The following SRR variants were observed in gnomAD, a reference collection of about 807,000 sequenced individuals.
SRR encodes the protein serine racemase, also known as D-serine ammonia-lyase.
SRR carries 19 observed loss-of-function variants against 32.7 expected under a neutral mutation model. The observed-to-expected ratio is 0.58, with a 90% CI of 0.40 to 0.85. The LOEUF is 0.85. Ranked by LOEUF, SRR falls within the 40% of genes least tolerant of loss-of-function variation. The pLI is 0.00. For missense variants in SRR, 373 were observed against 404.7 expected, an observed-to-expected ratio of 0.92 and a Z score of 0.67; for synonymous variants, 142 against 140.9, an observed-to-expected ratio of 1.01 and a Z score of -0.06.
rs1286419047 is a variant in SRR at position 2,317,208 on chromosome 17, A to G, written c.169-662A>G. ...ATAGAGGAAGACTCCATCTCGGGGG[A>G]AAAAAAAAAAAAAAAAAAAAAGGCC... is the stretch of plus-strand genomic sequence containing the variant. On this transcript the variant is annotated intron_variant, in intron 2 of 7. Transcript: ENST00000344595. Among the ~76,000 whole-genome samples the G allele has an allele frequency of 2.9e-4, 16 of 55,388 alleles. No individual in the cohort carries two copies. The East Asian group carries it at 0.01, about 35-fold the overall frequency. The allele number at this position is 55,388 out of a possible 152,430, so 36.3% of individuals were successfully genotyped here.
At chr17:2,323,403 A>G in intron 7 of SRR, 58 bp downstream of exon 7, 1 of 1,599,702 alleles carries the variant, frequency 6.3e-7, no homozygotes, top group Non-Finnish European at 8.6e-7. Context: ...TAGGCAGAAG[A>G]AACTTCCCTT....
At chr17:2,315,865 TTTTCC>T (rs2075469008) in intron 2 of SRR, 137 bp downstream of exon 2, 2 of 913,980 alleles carry the variant, frequency 2.2e-6, no homozygotes, top group South Asian at 1.9e-5. Flanking sequence ...GTTACAGAAA[TTTTCC>T]TTTCAAGTCC....
At chr17:2,306,231 G>C (rs2075389083) in intron 1 of SRR, among the ~76,000 whole-genome samples, 1 of 151,480 alleles carries the variant, frequency 6.6e-6, no homozygotes, top group African/African-American at 2.4e-5. Flanking sequence ...CAGGAGAACT[G>C]CTTGAACCTG....
intron 3 of SRR, 56 bp downstream of exon 3, chr17:2,318,052 C>T: frequency 1.3e-6 from 2 of 1,498,746 alleles, no homozygotes; most frequent in Non-Finnish European, 1.8e-6. Context: ...GAAAAGTGCC[C>T]TTAATTTCAG....
chr17:2,317,667 C>T (rs1056576986), intron 2 of SRR, among the ~76,000 whole-genome samples: 19 of 151,936 alleles, frequency 1.3e-4, no homozygotes, highest in African/African-American at 4.1e-4. Flanking sequence ...GAGATCGTGG[C>T]ACTGCACTCC....
intron 1 of SRR, 198 bp from the exon 2 acceptor site, chr17:2,315,359 C>T: frequency 2.1e-6 from 1 of 468,064 alleles, no homozygotes; most frequent in South Asian, 4.4e-5. Flanking sequence ...AGTTACTTCC[C>T]TCAAAGCTTC....
chr17:2,310,699 C>T (rs886111308), intron 1 of SRR, among the ~76,000 whole-genome samples: 2 of 152,056 alleles, frequency 1.3e-5, no homozygotes, highest in African/African-American at 4.8e-5. Flanking sequence ...CTGCCTCAGC[C>T]TCCCTAGTAG....
At chr17:2,308,422 C>CA (rs1444203900) in intron 1 of SRR, among the ~76,000 whole-genome samples, 1 of 152,190 alleles carries the variant, frequency 6.6e-6, no homozygotes, top group Non-Finnish European at 1.5e-5. Context: ...AAAAAAGGGA[C>CA]ATCCTCTTGG....
chr17:2,311,552 G>A (rs1458847936), intron 1 of SRR, among the ~76,000 whole-genome samples: 1 of 152,122 alleles, frequency 6.6e-6, no homozygotes, highest in African/African-American at 2.4e-5. Flanking sequence ...GAGGTGAGAG[G>A]ATTGCCTGAG....
intron 6 of SRR, 81 bp downstream of exon 6, chr17:2,321,697 C>T: frequency 1.6e-6 from 2 of 1,262,798 alleles, no homozygotes; most frequent in Non-Finnish European, 2.3e-6. Context: ...ACGTGCTCAA[C>T]ATTCTGCACA....
At position 2,325,169 on chromosome 17, in the gene SRR, G is replaced by T; in HGVS notation, c.*1296G>T. On this transcript the variant is annotated 3_prime_UTR_variant, in exon 8 of 8. Coordinates refer to ENST00000344595, the MANE Select transcript of SRR (RefSeq NM_021947.3). Reference sequence around the variant, plus strand: ...CATTGTTCTATTAACAATGTTAAATGAAGACTTACTGTATTTTGAAAACCA... The same window carrying T: ...CATTGTTCTATTAACAATGTTAAATTAAGACTTACTGTATTTTGAAAACCA... 1.4e-6 allele frequency: 1 copy of T among 698,242 alleles called. No individual in the cohort carries two copies. Among genetic ancestry groups the T allele is most frequent in the Non-Finnish European group, 2.4e-6 (1 of 423,704 alleles). 43.3% of individuals were successfully genotyped at this position (698,242 alleles called of 1,614,324 possible).
intron 1 of SRR, chr17:2,307,617 C>T (rs910129803): frequency 1.7e-5 from 16 of 956,654 alleles, no homozygotes; most frequent in Non-Finnish European, 2.5e-5. Context: ...AAGCTCTGGC[C>T]CCTATGGTGG....
chr17:2,325,062 T>C lies in SRR; in HGVS notation c.*1189T>C. 1 of 601,896 alleles carries C rather than the reference T, an allele frequency of 1.7e-6. No individual in the cohort carries two copies. 37.3% of individuals were successfully genotyped at this position (601,896 alleles called of 1,614,324 possible). On this transcript the variant is annotated 3_prime_UTR_variant, in exon 8 of 8. Coordinates refer to ENST00000344595, the MANE Select transcript of SRR (RefSeq NM_021947.3). ...ACAAAACCATACTTTTTCTCATCAG[T>C]TGTTACAAGGAAAGGATGTTGAACA... is the stretch of plus-strand genomic sequence containing the variant.
At chr17:2,309,801 C>T (rs2075420657) in intron 1 of SRR, 1 of 152,170 alleles carries the variant, frequency 6.6e-6, no homozygotes, top group Admixed American at 6.5e-5. Flanking sequence ...GGCCACTGGT[C>T]CTGGGCCAAG....
At chr17:2,318,799 C>G (rs200709413) in intron 3 of SRR, 27 bp from the exon 4 acceptor site, 1 of 1,568,000 alleles carries the variant, frequency 6.4e-7, no homozygotes, top group Non-Finnish European at 8.8e-7. Context: ...ATTCTCCTGA[C>G]TTTTTCCTCT....
At chr17:2,318,973 G>T in intron 4 of SRR, 44 bp downstream of exon 4, 1 of 1,350,534 alleles carries the variant, frequency 7.4e-7, no homozygotes, top group South Asian at 1.2e-5. Context: ...GCTTTCATTT[G>T]ACCAATGGCT....
upstream of SRR, chr17:2,303,599 A>AGGCCC (rs1239904362): frequency 7.2e-7 from 1 of 1,397,240 alleles, no homozygotes; most frequent in Non-Finnish European, 9.3e-7. Context: ...CGGGGCGGGC[A>AGGCCC]GGCCCGGCCC....
chr17:2,315,718 G>A lies in SRR; in HGVS notation c.158G>A (p.Gly53Glu), dbSNP rs1430978680. Residue 53 changes from glycine (G) to glutamate (E), a missense_variant, in exon 2 of 8, where the codon GGA (glycine) becomes GAA (glutamate). Physicochemically the swap from Gly to Glu is moderately conservative, Grantham distance 98 (BLOSUM62 -2). Transcript: ENST00000344595. ...FFKCELFQKT[G>E]SFKIRGALNA... The stretch of plus-strand genomic sequence containing the variant: ...AAATGTGAACTCTTCCAGAAAACAG[G>A]ATCTTTTAAGGTAACAATCCTTTTT... The A allele has an allele frequency of 6.2e-7, 1 of 1,613,538 alleles. No individual in the cohort carries two copies. Among genetic ancestry groups the A allele is most frequent in the Admixed American group, 1.7e-5 (1 of 59,956 alleles).
intron 4 of SRR, among the ~76,000 whole-genome samples, chr17:2,319,940 T>C (rs1233951603): frequency 1.3e-5 from 2 of 150,530 alleles, no homozygotes; most frequent in Admixed American, 6.7e-5. Context: ...TGCCTCAGCC[T>C]CCCGAGTAGC....
Sources: gnomAD v4.1 joint callset for allele counts (sites outside exome capture counted in the v4.1 genomes callset) on GRCh38, gnomAD v4.1.1 for gene constraint, MANE v1.5 for transcripts, NCBI Gene and HGNC (gene_info 2026-07-23, HGNC 2026-07-21) for gene names.